Variants in UBE2QL1 observed in about 807,000 individuals in gnomAD.
UBE2QL1 encodes ubiquitin conjugating enzyme E2 QL1, also known as ubiquitin-conjugating enzyme E2Q-like protein 1.
A neutral mutation model predicts 12.6 loss-of-function variants in UBE2QL1; 5 were observed. That is an observed-to-expected ratio of 0.40 (90% CI 0.21 to 0.83). The LOEUF (loss-of-function observed/expected upper bound fraction) is 0.83, where lower values mean the gene tolerates loss of function less well. Ranked by LOEUF, UBE2QL1 falls within the 40% of genes least tolerant of loss-of-function variation. The pLI is 0.37. For missense variants in UBE2QL1, 99 were observed against 222.6 expected, an observed-to-expected ratio of 0.44 and a Z score of 3.53; for synonymous variants, 96 against 94.5, an observed-to-expected ratio of 1.02 and a Z score of -0.10.
intron 1 of UBE2QL1, among the ~76,000 whole-genome samples, chr5:6,462,353 T>G (rs1430821208): frequency 6.6e-6 from 1 of 152,160 alleles, no homozygotes; most frequent in African/African-American, 2.4e-5. Context: ...ACCCCAGATT[T>G]GCATTCAGCT....
intron 1 of UBE2QL1, among the ~76,000 whole-genome samples, chr5:6,456,649 A>T (rs577579005): frequency 6.6e-6 from 1 of 152,254 alleles, no homozygotes; most frequent in South Asian, 2.1e-4. Flanking sequence ...TGGCATTCCC[A>T]TGACGACCCT....
rs953986539 is a variant in UBE2QL1, at chr5:6,476,142, T to C, written c.355-15076T>C. Among the ~76,000 whole-genome samples, 1 of 150,616 alleles carries C rather than the reference T, an allele frequency of 6.6e-6. No homozygotes were observed. The highest frequency in any genetic ancestry group is 1.5e-5 in the Non-Finnish European group (1 of 67,734). ...CTGGAAAGCTCAGGGAGCTTTCCAG[T>C]GGCACTGGGGCTCCCTTATTCCTAG... On this transcript the variant is annotated intron_variant, in intron 1 of 1. Coordinates refer to ENST00000399816, the MANE Select transcript of UBE2QL1 (RefSeq NM_001145161.3). This position sits in a 1 kb window ranked among gnomAD's most constrained non-coding sequence, Gnocchi z 4.9.
Position 6,479,030 on chromosome 5 carries a change from G to A in UBE2QL1, c.355-12188G>A, listed in dbSNP as rs1023576372. ...CTGCCCTGGGGGCGTCCCTTCTATC[G>A]TGTGCAGCATCAGGAGTCTGTTGGA... is the stretch of plus-strand genomic sequence containing the variant. On this transcript the variant is annotated intron_variant, in intron 1 of 1. Coordinates refer to ENST00000399816, the MANE Select transcript of UBE2QL1 (RefSeq NM_001145161.3). The surrounding 1 kb of genome is among the most constrained non-coding windows in gnomAD (Gnocchi z 4.2). 2.6e-5 allele frequency among the ~76,000 whole-genome samples: 4 copies of A among 152,052 alleles called. No individual in the cohort carries two copies. The highest frequency in any genetic ancestry group is 2.1e-4 in the South Asian group (1 of 4,814).
chr5:6,493,067 C>T lies in UBE2QL1; in HGVS notation c.*1718C>T, dbSNP rs1179774788. 1 of 152,232 alleles carries T rather than the reference C, an allele frequency of 6.6e-6. No homozygotes were observed. The highest frequency in any genetic ancestry group is 1.5e-5 in the Non-Finnish European group (1 of 68,042). The allele number at this position is 152,232 out of a possible 1,614,324, so 9.4% of individuals were successfully genotyped here. On this transcript the variant is annotated 3_prime_UTR_variant, in exon 2 of 2. Coordinates refer to ENST00000399816, the MANE Select transcript of UBE2QL1 (RefSeq NM_001145161.3). ...TTTCTTATTTGCCCCCAAGTGCACACAGGCAGCTCTGCCAGACCAAAATGA... is the reference window on the plus strand; with the variant it reads ...TTTCTTATTTGCCCCCAAGTGCACATAGGCAGCTCTGCCAGACCAAAATGA...
intron 1 of UBE2QL1, among the ~76,000 whole-genome samples, chr5:6,468,423 G>A (rs965958280): frequency 6.6e-6 from 1 of 152,212 alleles, no homozygotes; most frequent in Non-Finnish European, 1.5e-5. Flanking sequence ...GAGTGTGGAG[G>A]GGTGGAGTCA....
chr5:6,457,123 C>T (rs183514424), intron 1 of UBE2QL1, among the ~76,000 whole-genome samples: 17 of 151,974 alleles, frequency 1.1e-4, no homozygotes, highest in Non-Finnish European at 1.9e-4. Context: ...TGGTTATGAA[C>T]CTTATGAAAT....
In UBE2QL1 at chr5:6,491,210, T is replaced by C. The variant is rs1579304907; in HGVS notation, c.355-8T>C. The C allele has an allele frequency of 1.2e-5, 19 of 1,532,794 alleles. No individual in the cohort carries two copies. The highest frequency in any genetic ancestry group is 1.6e-5 in the Non-Finnish European group (18 of 1,140,604). The allele number at this position is 1,532,794 out of a possible 1,614,324, so 94.9% of individuals were successfully genotyped here. A position where few individuals can be genotyped will look rare whatever the true frequency, so the allele number is the denominator to read the frequency against. On this transcript the variant is annotated splice_region_variant and splice_polypyrimidine_tract_variant and intron_variant, in intron 1 of 1. Transcript: ENST00000399816. ...TTCTAACCTGGTTTTTCTTCTCATC[T>C]CACGCAGGGACGGATCTGTAGAAAA...
intron 1 of UBE2QL1, among the ~76,000 whole-genome samples, chr5:6,453,709 GCACACACACACA>G (rs3073837): frequency 1.7e-4 from 25 of 150,540 alleles, no homozygotes; most frequent in Non-Finnish European, 3.6e-4. Flanking sequence ...ACACACATGT[GCACACACACACA>G]CACACACACA....
Position 6,492,918 on chromosome 5 carries a change from C to A in UBE2QL1, c.*1569C>A, listed in dbSNP as rs1734601893. The A allele has an allele frequency of 6.6e-6, 1 of 152,250 alleles. No homozygotes were observed. Among genetic ancestry groups the A allele is most frequent in the South Asian group, 2.1e-4 (1 of 4,836 alleles). The allele number at this position is 152,250 out of a possible 1,614,324, so 9.4% of individuals were successfully genotyped here. On this transcript the variant is annotated 3_prime_UTR_variant, in exon 2 of 2. Transcript: ENST00000399816. Reference sequence around the variant, plus strand: ...TCAGGCAGTTTTGTCTACTTGGGGACCTGCCCATTGGTTCAAGGTTTTCAG... The same window carrying A: ...TCAGGCAGTTTTGTCTACTTGGGGAACTGCCCATTGGTTCAAGGTTTTCAG...
At chr5:6,466,457 A>G (rs546189699) in intron 1 of UBE2QL1, among the ~76,000 whole-genome samples, 59 of 152,288 alleles carry the variant, frequency 3.9e-4, no homozygotes, top group African/African-American at 1.3e-3. Context: ...CTGTCTCCCA[A>G]TCTGGGGCTG....
At chr5:6,455,705 T>C (rs1159861012) in intron 1 of UBE2QL1, among the ~76,000 whole-genome samples, 2 of 152,146 alleles carry the variant, frequency 1.3e-5, no homozygotes, top group African/African-American at 4.8e-5. Context: ...AAAAGCTGCC[T>C]GACGCTGGCC....
intron 1 of UBE2QL1, among the ~76,000 whole-genome samples, chr5:6,451,359 A>G (rs1204519351): frequency 1.3e-5 from 2 of 152,256 alleles, no homozygotes; most frequent in African/African-American, 4.8e-5. Context: ...AAGCGGCAAT[A>G]TAGCAATGGG....
At chr5:6,474,289 A>T (rs1311721747) in intron 1 of UBE2QL1, among the ~76,000 whole-genome samples, 3 of 152,244 alleles carry the variant, frequency 2.0e-5, no homozygotes, top group Non-Finnish European at 2.9e-5. Flanking sequence ...AACAACCAGG[A>T]GTACGTGCAT....
At chr5:6,460,795 T>C (rs903340753) in intron 1 of UBE2QL1, among the ~76,000 whole-genome samples, 1 of 152,226 alleles carries the variant, frequency 6.6e-6, no homozygotes, top group African/African-American at 2.4e-5. Context: ...TTTACCTCTG[T>C]GCTCCCTAAA....
At position 6,481,227 on chromosome 5, in the gene UBE2QL1, A is replaced by G. The variant is rs560269608; in HGVS notation, c.355-9991A>G. 1.3e-5 allele frequency among the ~76,000 whole-genome samples: 2 copies of G among 152,184 alleles called. No individual in the cohort carries two copies. Among genetic ancestry groups the G allele is most frequent in the South Asian group, 4.2e-4 (2 of 4,818 alleles). On this transcript the variant is annotated intron_variant, in intron 1 of 1. Coordinates refer to ENST00000399816, the MANE Select transcript of UBE2QL1 (RefSeq NM_001145161.3). This position sits in a 1 kb window ranked among gnomAD's most constrained non-coding sequence, Gnocchi z 4.5. ...CTTCTCCTCTTGACTGTCCCCAGCC[A>G]AACACACCCATCCTCCCAGGACCCC... is the stretch of plus-strand genomic sequence containing the variant.
intron 1 of UBE2QL1, among the ~76,000 whole-genome samples, chr5:6,455,552 C>T (rs1224918630): frequency 6.6e-6 from 1 of 152,140 alleles, no homozygotes; most frequent in African/African-American, 2.4e-5. Context: ...CCTGGCAGCA[C>T]ATTAGATGCC....
At chr5:6,450,482 C>T (rs1739393556) in intron 1 of UBE2QL1, among the ~76,000 whole-genome samples, 2 of 152,200 alleles carry the variant, frequency 1.3e-5, no homozygotes, top group African/African-American at 4.8e-5. Context: ...AAGAAAATTA[C>T]ATTGCTGTGT....
At chr5:6,484,751 C>A (rs1365269136) in intron 1 of UBE2QL1, among the ~76,000 whole-genome samples, 1 of 151,870 alleles carries the variant, frequency 6.6e-6, no homozygotes, top group Non-Finnish European at 1.5e-5. Context: ...TCTTTCTCCC[C>A]CTCCCCTGTT....
At position 6,486,101 on chromosome 5, in the gene UBE2QL1, A is replaced by G. The variant is rs1734462469; in HGVS notation, c.355-5117A>G. On this transcript the variant is annotated intron_variant, in intron 1 of 1. Coordinates refer to ENST00000399816, the MANE Select transcript of UBE2QL1 (RefSeq NM_001145161.3). ...TCACCCTGTGCCTGGCATTGGGCAA[A>G]GCATCTTTTATGTTTTAACATATTA... is the stretch of plus-strand genomic sequence containing the variant. 2.0e-5 allele frequency among the ~76,000 whole-genome samples: 3 copies of G among 152,328 alleles called. No individual in the cohort carries two copies. In the South Asian group the frequency reaches 6.2e-4, roughly 32 times the overall value.
Sources: gnomAD v4.1 joint callset for allele counts (sites outside exome capture counted in the v4.1 genomes callset) on GRCh38, gnomAD v4.1.1 for gene constraint, Gnocchi (gnomAD v3.1) non-coding constraint, MANE v1.5 for transcripts, NCBI Gene and HGNC (gene_info 2026-07-23, HGNC 2026-07-21) for gene names.